ATP13A3: variants seen among roughly 807,000 people sequenced by gnomAD.
The protein encoded by ATP13A3 is polyamine-transporting ATPase 13A3.
In ATP13A3, 59 loss-of-function variants were observed where a neutral mutation model predicts 158.1. That is an observed-to-expected ratio of 0.37 (90% CI 0.30 to 0.46). The LOEUF is 0.46. ATP13A3 is among the 20% of genes least tolerant of loss of function. The pLI is 1.00. For synonymous variants in ATP13A3, 491 were observed against 504.3 expected (o/e 0.97, Z 0.35); for missense variants, 1,166 against 1,525.2 (o/e 0.76, Z 3.92).
intron 20 of ATP13A3, 112 bp from the exon 21 acceptor site, chr3:194,434,008 G>A (rs1015626972): frequency 1.8e-5 from 20 of 1,131,138 alleles, no homozygotes; most frequent in Non-Finnish European, 2.4e-5. Context: ...TTATAATGCA[G>A]TTTAAAATAT....
At position 194,418,779 on chromosome 3, in the gene ATP13A3, G is replaced by C. The variant is rs140492163; in HGVS notation, c.3402+1100C>G. On this transcript the variant is annotated intron_variant, in intron 31 of 33. Coordinates refer to ENST00000645319, the MANE Select transcript of ATP13A3 (RefSeq NM_001367549.1). ...ATCATGATACCAGAATACAGCAGAG[G>C]AAACTTTTGTCCCTAATGGTTTGCC... Among the ~76,000 whole-genome samples, 148 of 152,320 alleles carry C rather than the reference G, an allele frequency of 9.7e-4. 1 individual carries two copies. The East Asian group carries it at 0.014, about 14-fold the overall frequency.
intron 11 of ATP13A3, among the ~76,000 whole-genome samples, chr3:194,449,234 G>C (rs1718629148): frequency 6.6e-6 from 1 of 152,102 alleles, no homozygotes; most frequent in East Asian, 1.9e-4. Flanking sequence ...AGGCATGTGT[G>C]TCAGATATGT....
Position 194,430,065 on chromosome 3 carries a change from G to T in ATP13A3, c.2777+7C>A. On this transcript the variant is annotated splice_region_variant and intron_variant, in intron 26 of 33. Coordinates refer to ENST00000645319, the MANE Select transcript of ATP13A3 (RefSeq NM_001367549.1). ...AAAGGGATGAGAAAAATTTTAATTTGTACTACCTGATAAGGTTTGGCACAC... is the reference window on the plus strand; with the variant it reads ...AAAGGGATGAGAAAAATTTTAATTTTTACTACCTGATAAGGTTTGGCACAC... The T allele has an allele frequency of 1.9e-6, 3 of 1,606,522 alleles. No homozygotes were observed. Among genetic ancestry groups the T allele is most frequent in the Non-Finnish European group, 2.6e-6 (3 of 1,175,586 alleles).
chr3:194,428,759 A>T, intron 28 of ATP13A3, 86 bp downstream of exon 28: 1 of 904,934 alleles, frequency 1.1e-6, no homozygotes, highest in Non-Finnish European at 1.7e-6. Context: ...CTATGTTACA[A>T]TTGTTGATGT....
chr3:194,431,968 A>C (rs1012144410), intron 21 of ATP13A3, 76 bp from the exon 22 acceptor site: 20 of 1,219,510 alleles, frequency 1.6e-5, no homozygotes, highest in Non-Finnish European at 2.1e-5. Context: ...CTTGCTGAGA[A>C]TCTACTACAG....
At chr3:194,417,989 G>GGA (rs1172020250) in intron 31 of ATP13A3, among the ~76,000 whole-genome samples, 23 of 88,012 alleles carry the variant, frequency 2.6e-4, no homozygotes, top group African/African-American at 1.7e-3. Flanking sequence ...GGAAGGAAGG[G>GGA]AGGGAGGGAG....
chr3:194,455,748 A>C (rs1719180168), intron 8 of ATP13A3, 145 bp downstream of exon 8: 1 of 604,724 alleles, frequency 1.7e-6, no homozygotes, highest in East Asian at 3.3e-5. Context: ...TACCAGAGTA[A>C]ATGTCTTCCG....
intron 2 of ATP13A3, among the ~76,000 whole-genome samples, chr3:194,474,228 G>A (rs141597158): frequency 3.5e-4 from 54 of 152,142 alleles, no homozygotes; most frequent in African/African-American, 1.2e-3. Context: ...CAGTGGCACC[G>A]TCACAGCTGA....
chr3:194,431,004 C>A lies in ATP13A3; in HGVS notation c.2563G>T (p.Val855Leu). The A allele has an allele frequency of 6.2e-7, 1 of 1,613,502 alleles. No individual in the cohort carries two copies. Among genetic ancestry groups the A allele is most frequent in the East Asian group, 2.2e-5 (1 of 44,856 alleles). ...TGATCAGGTGCCATACGGGCAAACA[C>A]GGTGCCATGCAACATCAACTGGAAA... Reference protein sequence around the residue: ...LVPKLMLHGTVFARMAPDQKT... With the variant: ...LVPKLMLHGTLFARMAPDQKT... Residue 855 changes from valine to leucine, a missense_variant, in exon 24 of 34, where the codon GTG becomes TTG. By Grantham distance (32) the Val-to-Leu change is conservative. Transcript: ENST00000645319.
chr3:194,459,665 T>G, intron 5 of ATP13A3, 124 bp from the exon 6 acceptor site: 2 of 1,148,828 alleles, frequency 1.7e-6, no homozygotes, highest in Non-Finnish European at 2.4e-6. Flanking sequence ...ATATGTAATA[T>G]TTTATATGCA....
chr3:194,442,419 G>C (rs995213407), intron 15 of ATP13A3, among the ~76,000 whole-genome samples: 1 of 152,028 alleles, frequency 6.6e-6, no homozygotes, highest in Admixed American at 6.5e-5. Flanking sequence ...GAAATATAGC[G>C]AGACACCCAT....
At chr3:194,431,663 CA>C in intron 22 of ATP13A3, 53 bp downstream of exon 22, 1 of 1,416,630 alleles carries the variant, frequency 7.1e-7, no homozygotes, top group Non-Finnish European at 9.3e-7. Context: ...TTTATTTTTT[CA>C]GACTAAATTT....
rs1714715517 is a variant in ATP13A3 at position 194,402,992 on chromosome 3, ACCC to A, written c.*2924_*2926del. 1 of 152,174 alleles carries A rather than the reference ACCC, an allele frequency of 6.6e-6. No individual in the cohort carries two copies. Among genetic ancestry groups the A allele is most frequent in the African/African-American group, 2.4e-5 (1 of 41,430 alleles). 9.4% of individuals were successfully genotyped at this position (152,174 alleles called of 1,614,324 possible). On this transcript the variant is annotated 3_prime_UTR_variant, in exon 34 of 34. Transcript: ENST00000645319. ...GCCCACAGACTGTACAAAAATTAAC[ACCC>A]CATTTTGTTAAAAGTTCCCAACCAC... is the stretch of plus-strand genomic sequence containing the variant.
chr3:194,493,073 A>C (rs1157865059), intron 2 of ATP13A3, among the ~76,000 whole-genome samples: 2 of 150,526 alleles, frequency 1.3e-5, no homozygotes, highest in Non-Finnish European at 3.0e-5. Flanking sequence ...GTTTGAGTTT[A>C]TGGTGAGCTA....
At chr3:194,406,210 AAAAT>A in intron 33 of ATP13A3, 94 bp from the exon 34 acceptor site, 5 of 1,268,724 alleles carry the variant, frequency 3.9e-6, no homozygotes, top group Non-Finnish European at 5.5e-6. Flanking sequence ...TTAGCAGAGA[AAAAT>A]AAGAGGAAAT....
chr3:194,457,070 TA>T (rs751486056), intron 7 of ATP13A3, 23 bp downstream of exon 7: 5 of 1,573,862 alleles, frequency 3.2e-6, no homozygotes, highest in Non-Finnish European at 4.4e-6. Context: ...TGAGAAGATC[TA>T]ACTTTAGTTG....
In ATP13A3 at chr3:194,404,976, CTAACTTAAAAAAAACTATTATCCTAT is replaced by C. The variant is rs1714836821; in HGVS notation, c.*917_*942del. The C allele has an allele frequency of 6.6e-6, 1 of 151,900 alleles. No individual in the cohort carries two copies. Among genetic ancestry groups the C allele is most frequent in the African/African-American group, 2.4e-5 (1 of 41,330 alleles). The allele number at this position is 151,900 out of a possible 1,614,324, so 9.4% of individuals were successfully genotyped here. A position where few individuals can be genotyped will look rare whatever the true frequency, so the allele number is the denominator to read the frequency against. On this transcript the variant is annotated 3_prime_UTR_variant, in exon 34 of 34. Transcript: ENST00000645319. Reference sequence around the variant, plus strand: ...TCAAAAAATTTTATGAGGTAAAATTCTAACTTAAAAAAAACTATTATCCTATGTCTTTAGGTAATTGAAAACATAGA... The same window carrying C: ...TCAAAAAATTTTATGAGGTAAAATTCGTCTTTAGGTAATTGAAAACATAGA...
chr3:194,462,485 C>A (rs1022777955), intron 2 of ATP13A3, among the ~76,000 whole-genome samples: 4 of 152,178 alleles, frequency 2.6e-5, no homozygotes, highest in Non-Finnish European at 5.9e-5. Context: ...GTGAACTGCG[C>A]GTGCAAGGGA....
intron 2 of ATP13A3, among the ~76,000 whole-genome samples, chr3:194,466,584 A>C (rs1214672995): frequency 6.6e-6 from 1 of 152,230 alleles, no homozygotes; most frequent in Non-Finnish European, 1.5e-5. Flanking sequence ...ATAACTGCTA[A>C]AGCAAAGTTA....
Sources: allele counts gnomAD v4.1 joint callset (sites outside exome capture counted in the v4.1 genomes callset), GRCh38; gene constraint gnomAD v4.1.1; transcripts MANE v1.5; gene names NCBI Gene and HGNC (gene_info 2026-07-23, HGNC 2026-07-21).